Variants in MRTFA observed in about 807,000 individuals in gnomAD.
MRTFA encodes the protein myocardin related transcription factor A, also known as myocardin-related transcription factor A.
MRTFA carries 20 observed loss-of-function variants against 83.5 expected under a neutral mutation model. The ratio of observed to expected loss-of-function variants is 0.24; its 90% CI spans 0.17 to 0.35. The LOEUF (loss-of-function observed/expected upper bound fraction) is 0.35, where lower values mean the gene tolerates loss of function less well. Ranked by LOEUF, MRTFA falls within the 10% of genes least tolerant of loss-of-function variation. The probability of loss-of-function intolerance (pLI) is 1.00; values close to 1 mark genes in which losing one functional copy is unlikely to be tolerated. For synonymous variants in MRTFA, 659 were observed against 541.2 expected (o/e 1.22, Z -3.02); for missense variants, 1,200 against 1,224.7 (o/e 0.98, Z 0.30).
At chr22:40,529,151 T>A (rs761722228) in intron 3 of MRTFA, among the ~76,000 whole-genome samples, 1 of 152,156 alleles carries the variant, frequency 6.6e-6, no homozygotes, top group Non-Finnish European at 1.5e-5. Context: ...TACTTCCTTT[T>A]AACCTCATTT....
At chr22:40,493,302 T>C (rs2054299394) in intron 3 of MRTFA, among the ~76,000 whole-genome samples, 1 of 152,214 alleles carries the variant, frequency 6.6e-6, no homozygotes, top group African/African-American at 2.4e-5. Context: ...ACAAGGTTCC[T>C]CACACTTGAA....
intron 4 of MRTFA, among the ~76,000 whole-genome samples, chr22:40,439,134 T>C (rs751544241): frequency 1.3e-5 from 2 of 152,310 alleles, no homozygotes; most frequent in Admixed American, 6.5e-5. Flanking sequence ...TTGGAAGATA[T>C]AACCTAATTC....
chr22:40,433,669 C>T (rs557704430), intron 5 of MRTFA: 5 of 152,372 alleles, frequency 3.3e-5, no homozygotes, highest in Admixed American at 6.5e-5. Context: ...CTCTTGAATA[C>T]GAGCTGATAT....
At chr22:40,619,948 C>A (rs1035398806) in intron 1 of MRTFA, among the ~76,000 whole-genome samples, 19 of 149,954 alleles carry the variant, frequency 1.3e-4, no homozygotes, top group Non-Finnish European at 2.1e-4. Flanking sequence ...TCTCAGCTTA[C>A]CTGGATCACA....
chr22:40,515,460 G>T (rs933098463), intron 3 of MRTFA, among the ~76,000 whole-genome samples: 2 of 151,806 alleles, frequency 1.3e-5, no homozygotes, highest in South Asian at 2.1e-4. Flanking sequence ...TTGGGAGGCC[G>T]AGTCAGGTGG....
intron 3 of MRTFA, among the ~76,000 whole-genome samples, chr22:40,490,608 A>G (rs1179170372): frequency 6.6e-5 from 10 of 151,898 alleles, no homozygotes; most frequent in Non-Finnish European, 8.8e-5. Flanking sequence ...CAAAAAAAAA[A>G]AAAAGAAAAG....
chr22:40,446,374 G>C (rs534217254), intron 4 of MRTFA, among the ~76,000 whole-genome samples: 20 of 152,308 alleles, frequency 1.3e-4, no homozygotes, highest in Admixed American at 4.6e-4. Context: ...GGAGTGACTG[G>C]GTGAATGGTT....
intron 1 of MRTFA, among the ~76,000 whole-genome samples, chr22:40,617,279 A>G (rs1044611882): frequency 6.6e-6 from 1 of 151,826 alleles, no homozygotes; most frequent in Non-Finnish European, 1.5e-5. Flanking sequence ...AATCATTGTC[A>G]TGTAAATGTT....
chr22:40,577,432 CA>C (rs146829921), intron 2 of MRTFA, among the ~76,000 whole-genome samples: 13,555 of 151,600 alleles, frequency 0.089, 781 homozygotes, highest in East Asian at 0.25. Flanking sequence ...TGATAATAAT[CA>C]AATGTAACAA....
At chr22:40,558,192 C>G (rs2055558778) in intron 2 of MRTFA, among the ~76,000 whole-genome samples, 1 of 150,208 alleles carries the variant, frequency 6.7e-6, no homozygotes, top group Non-Finnish European at 1.5e-5. Flanking sequence ...CTCAAGTGAT[C>G]CTCCCCCATC....
chr22:40,411,365 C>T lies in MRTFA; in HGVS notation c.*25G>A. 2.0e-6 allele frequency: 3 copies of T among 1,533,354 alleles called. No homozygotes were observed. The highest frequency in any genetic ancestry group is 2.6e-6 in the Non-Finnish European group (3 of 1,133,426). The allele number at this position is 1,533,354 out of a possible 1,614,324, so 95.0% of individuals were successfully genotyped here. A position where few individuals can be genotyped will look rare whatever the true frequency, so the allele number is the denominator to read the frequency against. On this transcript the variant is annotated 3_prime_UTR_variant, in exon 15 of 15. Coordinates refer to ENST00000355630, the MANE Select transcript of MRTFA (RefSeq NM_020831.6). ...GGAGTACCCTGGCTCCCAGCCCCTT[C>T]CCCACCCCGTCTTGAGCCAGAGAGC...
chr22:40,506,732 A>G (rs1248380613), intron 3 of MRTFA, among the ~76,000 whole-genome samples: 1 of 152,168 alleles, frequency 6.6e-6, no homozygotes, highest in African/African-American at 2.4e-5. Context: ...CTGTTTTTCT[A>G]TATACCATGT....
intron 5 of MRTFA, chr22:40,433,789 T>C (rs1441870258): frequency 6.6e-6 from 1 of 152,248 alleles, no homozygotes; most frequent in Non-Finnish European, 1.5e-5. Flanking sequence ...ATCCAATATA[T>C]TCATGTTTCA....
chr22:40,561,117 A>T (rs2055608477), intron 2 of MRTFA, among the ~76,000 whole-genome samples: 1 of 151,966 alleles, frequency 6.6e-6, no homozygotes, highest in Non-Finnish European at 1.5e-5. Context: ...CAATGCAGTA[A>T]ACCTAATCTT....
chr22:40,611,217 G>A (rs2056384333), intron 1 of MRTFA, among the ~76,000 whole-genome samples: 1 of 152,052 alleles, frequency 6.6e-6, no homozygotes, highest in South Asian at 2.1e-4. Context: ...GGGATTACAG[G>A]CGTGAGCCAC....
chr22:40,481,732 A>C (rs1460433826), intron 3 of MRTFA, among the ~76,000 whole-genome samples: 2 of 152,156 alleles, frequency 1.3e-5, no homozygotes, highest in African/African-American at 4.8e-5. Flanking sequence ...GCACTGAGAA[A>C]AGGCTTGCCT....
chr22:40,472,936 A>G (rs1034200098), intron 3 of MRTFA, among the ~76,000 whole-genome samples: 2 of 152,136 alleles, frequency 1.3e-5, no homozygotes, highest in Non-Finnish European at 2.9e-5. Flanking sequence ...GAGAAATTTC[A>G]TTTTCCAACA....
intron 2 of MRTFA, among the ~76,000 whole-genome samples, chr22:40,560,462 C>T (rs986226249): frequency 2.0e-5 from 3 of 152,240 alleles, no homozygotes; most frequent in Middle Eastern, 3.4e-3. Context: ...TTTGAAAGAG[C>T]CCACAGGATA....
intron 11 of MRTFA, among the ~76,000 whole-genome samples, chr22:40,419,747 C>T (rs571382778): frequency 6.6e-6 from 1 of 152,280 alleles, no homozygotes; most frequent in Non-Finnish European, 1.5e-5. Context: ...GAAAGTAGGG[C>T]CCAGCCTGGT....
Sources: gnomAD v4.1 joint callset for allele counts (sites outside exome capture counted in the v4.1 genomes callset) on GRCh38, gnomAD v4.1.1 for gene constraint, MANE v1.5 for transcripts, NCBI Gene and HGNC (gene_info 2026-07-23, HGNC 2026-07-21) for gene names.